RALGPS1: variants seen among roughly 807,000 people sequenced by gnomAD.
RALGPS1 encodes Ral GEF with PH domain and SH3 binding motif 1.
In RALGPS1, 19 loss-of-function variants were observed where a neutral mutation model predicts 78.8. That is an observed-to-expected ratio of 0.24 (90% CI 0.17 to 0.35). The LOEUF is 0.35. Ranked by LOEUF, RALGPS1 falls within the 10% of genes least tolerant of loss-of-function variation. The pLI is 1.00. For synonymous variants in RALGPS1, 228 were observed against 256.3 expected (o/e 0.89, Z 1.06); for missense variants, 454 against 688.3 (o/e 0.66, Z 3.81).
At chr9:127,182,570 C>T (rs2060340975) in intron 11 of RALGPS1, among the ~76,000 whole-genome samples, 1 of 151,902 alleles carries the variant, frequency 6.6e-6, no homozygotes, top group Non-Finnish European at 1.5e-5. Context: ...GCTGGGATTA[C>T]AGTCGCCCGC....
At chr9:127,200,178 T>C (rs1048471067) in intron 14 of RALGPS1, among the ~76,000 whole-genome samples, 1 of 152,240 alleles carries the variant, frequency 6.6e-6, no homozygotes, top group African/African-American at 2.4e-5. Context: ...ACTCCTCCTC[T>C]GGCGCTGAAG....
chr9:127,132,607 A>G (rs2057085682), intron 8 of RALGPS1, among the ~76,000 whole-genome samples: 1 of 152,246 alleles, frequency 6.6e-6, no homozygotes, highest in Non-Finnish European at 1.5e-5. Context: ...TTGCTGTCAC[A>G]CAAATGAGTG....
chr9:127,161,059 C>A (rs1564692128), intron 8 of RALGPS1, among the ~76,000 whole-genome samples: 1 of 152,230 alleles, frequency 6.6e-6, no homozygotes. Context: ...AGTTACTGTC[C>A]ATCTTCATAA....
At position 127,027,153 on chromosome 9, in the gene RALGPS1, C is replaced by T. The variant is rs749788348; in HGVS notation, c.217-7278C>T. Reference sequence around the variant, plus strand: ...TCGTTTAATCAAAATCCGTGCTGATCTCCAGTAATGTGTTGAAATCTCTCA... The same window carrying T: ...TCGTTTAATCAAAATCCGTGCTGATTTCCAGTAATGTGTTGAAATCTCTCA... On this transcript the variant is annotated intron_variant, in intron 4 of 18. Transcript: ENST00000259351. Among the ~76,000 whole-genome samples the T allele has an allele frequency of 3.7e-4, 57 of 152,154 alleles. 1 individual carries two copies. The highest frequency in any genetic ancestry group is 7.8e-4 in the Non-Finnish European group (53 of 68,020).
At chr9:127,175,482 A>C (rs2059807683) in intron 11 of RALGPS1, among the ~76,000 whole-genome samples, 1 of 151,896 alleles carries the variant, frequency 6.6e-6, no homozygotes, top group Non-Finnish European at 1.5e-5. Context: ...TTTAATGGTT[A>C]CTTTTTACTC....
intron 1 of RALGPS1, among the ~76,000 whole-genome samples, chr9:126,917,908 G>A (rs767353621): frequency 3.9e-5 from 6 of 152,180 alleles, no homozygotes; most frequent in African/African-American, 1.4e-4. Flanking sequence ...TAGCCTTCTG[G>A]TTAGCATGCC....
At chr9:126,955,542 A>G (rs553735258) in intron 1 of RALGPS1, among the ~76,000 whole-genome samples, 1 of 152,338 alleles carries the variant, frequency 6.6e-6, no homozygotes, top group African/African-American at 2.4e-5. Flanking sequence ...AGTTCTTGTT[A>G]TTGAATACAA....
At chr9:127,131,723 G>T (rs1263187634) in intron 8 of RALGPS1, among the ~76,000 whole-genome samples, 1 of 152,206 alleles carries the variant, frequency 6.6e-6, no homozygotes, top group African/African-American at 2.4e-5. Flanking sequence ...TGACCCTCGT[G>T]TCTTCATCTG....
intron 1 of RALGPS1, among the ~76,000 whole-genome samples, chr9:126,958,142 A>AAAAAAAAAAATATATAT (rs113413659): frequency 3.9e-5 from 3 of 77,072 alleles, no homozygotes; most frequent in Admixed American, 1.5e-4. Flanking sequence ...AAAAAAAAAA[A>AAAAAAAAAAATATATAT]ATATATATAT....
intron 5 of RALGPS1, among the ~76,000 whole-genome samples, chr9:127,039,975 T>C (rs1481227123): frequency 6.6e-6 from 1 of 152,220 alleles, no homozygotes; most frequent in East Asian, 1.9e-4. Flanking sequence ...GGTGGTTTTC[T>C]CTAGTTGCAC....
intron 5 of RALGPS1, among the ~76,000 whole-genome samples, chr9:127,045,730 T>TACACACACACAC (rs60442898): frequency 1.4e-5 from 2 of 141,496 alleles, no homozygotes; most frequent in South Asian, 4.6e-4. Context: ...CATGGGTTAG[T>TACACACACACAC]ACACACACAC....
intron 18 of RALGPS1, among the ~76,000 whole-genome samples, chr9:127,215,633 C>T (rs1031540910): frequency 2.6e-5 from 4 of 152,152 alleles, no homozygotes; most frequent in African/African-American, 7.2e-5. Context: ...GCCCCTGAGC[C>T]CTCCTGCCTC....
chr9:126,929,056 A>G (rs946144902), intron 1 of RALGPS1, among the ~76,000 whole-genome samples: 1 of 152,184 alleles, frequency 6.6e-6, no homozygotes, highest in Non-Finnish European at 1.5e-5. Flanking sequence ...AGTATCTGTC[A>G]CAGAGTAATG....
intron 1 of RALGPS1, among the ~76,000 whole-genome samples, chr9:126,917,681 T>C (rs2034314310): frequency 6.6e-6 from 1 of 152,242 alleles, no homozygotes; most frequent in South Asian, 2.1e-4. Flanking sequence ...CTGATCCACC[T>C]GGTTAGGGTC....
intron 8 of RALGPS1, among the ~76,000 whole-genome samples, chr9:127,155,006 T>G (rs2058633124): frequency 6.6e-6 from 1 of 152,198 alleles, no homozygotes; most frequent in Non-Finnish European, 1.5e-5. Context: ...CATCTTGCAT[T>G]TCCTTTTAGT....
intron 6 of RALGPS1, among the ~76,000 whole-genome samples, chr9:127,052,311 G>A (rs560998186): frequency 1.3e-5 from 2 of 152,292 alleles, no homozygotes; most frequent in Non-Finnish European, 2.9e-5. Context: ...TTCCCTCCAT[G>A]GTAAGAAACT....
chr9:127,159,585 G>A (rs1475743753), intron 8 of RALGPS1, among the ~76,000 whole-genome samples: 1 of 152,194 alleles, frequency 6.6e-6, no homozygotes, highest in Non-Finnish European at 1.5e-5. Context: ...TCTAAATGAG[G>A]ATTTGTTCTG....
At chr9:127,171,089 A>C (rs898053721) in intron 10 of RALGPS1, among the ~76,000 whole-genome samples, 3 of 152,248 alleles carry the variant, frequency 2.0e-5, no homozygotes, top group Non-Finnish European at 2.9e-5. Flanking sequence ...TGGAGATGTT[A>C]TGCCAAGAGG....
intron 1 of RALGPS1, among the ~76,000 whole-genome samples, chr9:126,918,436 A>G (rs1213293290): frequency 6.6e-6 from 1 of 152,112 alleles, no homozygotes; most frequent in African/African-American, 2.4e-5. Flanking sequence ...TCCCAGGCTC[A>G]AATGATCCTC....
Sources: gnomAD v4.1 joint callset for allele counts (sites outside exome capture counted in the v4.1 genomes callset) on GRCh38, gnomAD v4.1.1 for gene constraint, MANE v1.5 for transcripts, NCBI Gene and HGNC (gene_info 2026-07-23, HGNC 2026-07-21) for gene names.